CEP162: variants seen among roughly 807,000 people sequenced by gnomAD.
CEP162 encodes the protein centrosomal protein 162.
Under a neutral mutation model 169.2 loss-of-function variants are expected in CEP162, and 141 were observed. The ratio of observed to expected loss-of-function variants is 0.83; its 90% CI spans 0.73 to 0.96. The LOEUF (loss-of-function observed/expected upper bound fraction) is 0.96, where lower values mean the gene tolerates loss of function less well. Ranked by LOEUF, CEP162 falls within the 40% of genes least tolerant of loss-of-function variation. The pLI, the probability that CEP162 is intolerant of heterozygous loss-of-function variation, is 0.00. For missense variants in CEP162, 1,600 were observed against 1,587.2 expected (o/e 1.01, Z -0.14); for synonymous variants, 540 against 526.4 (o/e 1.03, Z -0.35).
chr6:84,147,804 T>C (rs184403216), intron 24 of CEP162, among the ~76,000 whole-genome samples: 260 of 152,274 alleles, frequency 1.7e-3, no homozygotes, highest in African/African-American at 6.1e-3. Context: ...ATAAGCCTCA[T>C]AATATCTGTG....
At chr6:84,142,158 C>A (rs961168934) in intron 25 of CEP162, among the ~76,000 whole-genome samples, 3 of 152,154 alleles carry the variant, frequency 2.0e-5, no homozygotes, top group Non-Finnish European at 4.4e-5. Flanking sequence ...TTCATCCATA[C>A]CCTCCATAAG....
At chr6:84,214,411 C>T (rs1163043353) in intron 5 of CEP162, among the ~76,000 whole-genome samples, 2 of 152,206 alleles carry the variant, frequency 1.3e-5, no homozygotes, top group African/African-American at 4.8e-5. Context: ...CCAATGCGAA[C>T]AAATGCGACA....
chr6:84,139,654 G>C (rs1268593734), intron 25 of CEP162, among the ~76,000 whole-genome samples: 1 of 152,124 alleles, frequency 6.6e-6, no homozygotes, highest in Non-Finnish European at 1.5e-5. Context: ...AGCTCTCCCA[G>C]ATATCTGTCT....
chr6:84,215,732 T>C, intron 4 of CEP162, 44 bp downstream of exon 4: 1 of 1,538,126 alleles, frequency 6.5e-7, no homozygotes, highest in Non-Finnish European at 8.8e-7. Context: ...AATATAAGCA[T>C]AACAATTAAT....
chr6:84,153,975 C>T (rs1014663960), intron 22 of CEP162, among the ~76,000 whole-genome samples: 3 of 152,038 alleles, frequency 2.0e-5, no homozygotes, highest in African/African-American at 7.2e-5. Flanking sequence ...ACAGAGATAG[C>T]ACATTTATGT....
intron 13 of CEP162, among the ~76,000 whole-genome samples, chr6:84,183,567 T>C (rs534940632): frequency 6.6e-6 from 1 of 152,242 alleles, no homozygotes; most frequent in South Asian, 2.1e-4. Flanking sequence ...TTGACCTCAC[T>C]AGGACTCACA....
At chr6:84,225,273 C>T (rs893399139) in intron 2 of CEP162, among the ~76,000 whole-genome samples, 3 of 152,260 alleles carry the variant, frequency 2.0e-5, no homozygotes, top group South Asian at 4.1e-4. Context: ...TAGCCTACTC[C>T]ACACCTAGGC....
chr6:84,129,768 T>C (rs973254880), intron 25 of CEP162, among the ~76,000 whole-genome samples: 1 of 152,138 alleles, frequency 6.6e-6, no homozygotes, highest in Non-Finnish European at 1.5e-5. Flanking sequence ...ACTGAGATGA[T>C]GGGGTTTTCT....
At chr6:84,138,218 TTAAA>T (rs1379848403) in intron 25 of CEP162, among the ~76,000 whole-genome samples, 1 of 152,182 alleles carries the variant, frequency 6.6e-6, no homozygotes, top group Non-Finnish European at 1.5e-5. Context: ...GACTCCTCCT[TTAAA>T]TAACTAGAAA....
intron 6 of CEP162, among the ~76,000 whole-genome samples, chr6:84,208,941 C>CA (rs2099548388): frequency 6.6e-6 from 1 of 152,188 alleles, no homozygotes; most frequent in Non-Finnish European, 1.5e-5. Flanking sequence ...CGAGATTAGA[C>CA]TTGCTTAAGA....
chr6:84,227,238 A>T (rs1356467035), intron 1 of CEP162, among the ~76,000 whole-genome samples: 2 of 152,158 alleles, frequency 1.3e-5, no homozygotes, highest in Non-Finnish European at 2.9e-5. Flanking sequence ...GGGGAGGGGA[A>T]GAGGGCTTGC....
At chr6:84,204,225 T>G in intron 6 of CEP162, 129 bp from the exon 7 acceptor site, 1 of 560,954 alleles carries the variant, frequency 1.8e-6, no homozygotes, top group Non-Finnish European at 3.1e-6. Flanking sequence ...AACATAAAGA[T>G]GTCTTTAGAG....
rs751685987 is a variant in CEP162, at chr6:84,186,539, G to A, written c.1194C>T (p.Asp398=). ...CAAAAAAAAGGTTCACATGTTGTGA[G>A]TCTTGAGACAAAATATTTGGGTTCA... ...LKMNPNILSQ[D]SQHVNLFFDK... The change falls in exon 12 of 27, where the codon GAC becomes GAT. Residue 398 remains aspartate (D), a synonymous_variant. Transcript: ENST00000403245. 3 of 1,612,730 alleles carry A rather than the reference G, an allele frequency of 1.9e-6. No individual in the cohort carries two copies. The highest frequency in any genetic ancestry group is 2.2e-5 in the East Asian group (1 of 44,776).
intron 25 of CEP162, among the ~76,000 whole-genome samples, chr6:84,140,358 T>C (rs1393049231): frequency 6.6e-6 from 1 of 152,130 alleles, no homozygotes; most frequent in Non-Finnish European, 1.5e-5. Flanking sequence ...TGTGGGAGGC[T>C]TGAAACACCA....
chr6:84,126,208 A>G (rs753276892), intron 26 of CEP162, among the ~76,000 whole-genome samples, 170 bp downstream of exon 26: 1 of 152,116 alleles, frequency 6.6e-6, no homozygotes, highest in Admixed American at 6.6e-5. Flanking sequence ...CTTGAGATAT[A>G]AAGTCTCATT....
At chr6:84,217,428 G>A (rs1004989897) in intron 3 of CEP162, among the ~76,000 whole-genome samples, 1 of 152,134 alleles carries the variant, frequency 6.6e-6, no homozygotes, top group African/African-American at 2.4e-5. Flanking sequence ...CAATCCACAT[G>A]AATACATGGG....
chr6:84,224,023 A>G (rs568630669), intron 2 of CEP162, among the ~76,000 whole-genome samples: 3 of 152,328 alleles, frequency 2.0e-5, no homozygotes, highest in African/African-American at 7.2e-5. Flanking sequence ...TGATACAGCA[A>G]TTTCACTCTT....
At chr6:84,144,460 G>A (rs2099517985) in intron 25 of CEP162, among the ~76,000 whole-genome samples, 1 of 151,926 alleles carries the variant, frequency 6.6e-6, no homozygotes, top group Non-Finnish European at 1.5e-5. Flanking sequence ...GTTTAACTAT[G>A]GCTAGTTTAA....
intron 3 of CEP162, among the ~76,000 whole-genome samples, chr6:84,220,467 T>TA (rs1273928004): frequency 2.0e-5 from 3 of 151,688 alleles, no homozygotes; most frequent in Non-Finnish European, 4.4e-5. Flanking sequence ...CTACAAGAAA[T>TA]AAAAAAAATT....
Sources: allele counts gnomAD v4.1 joint callset (sites outside exome capture counted in the v4.1 genomes callset), GRCh38; gene constraint gnomAD v4.1.1; transcripts MANE v1.5; gene names NCBI Gene and HGNC (gene_info 2026-07-23, HGNC 2026-07-21).